The following LRRC37A variants were observed in gnomAD, a reference collection of about 807,000 sequenced individuals.
LRRC37A encodes leucine rich repeat containing 37A.
Under a neutral mutation model 35.4 loss-of-function variants are expected in LRRC37A, and 3 were observed. That is an observed-to-expected ratio of 0.08 (90% CI 0.04 to 0.22). LRRC37A has a LOEUF of 0.22. LRRC37A is among the 10% of genes least tolerant of loss of function. The pLI is 1.00. For synonymous variants in LRRC37A, 23 were observed against 215.0 expected, an observed-to-expected ratio of 0.11 and a Z score of 7.81; for missense variants, 67 against 565.3, an observed-to-expected ratio of 0.12 and a Z score of 8.94.
At chr17:46,288,305 C>CTTT (rs78255121), upstream of LRRC37A, among the ~76,000 whole-genome samples, 80 of 112,226 alleles carry the variant, frequency 7.1e-4, 1 homozygote, top group Admixed American at 1.0e-3. Flanking sequence ...CCAGGCCCGG[C>CTTT]TTTTTTTTTT....
the LRRC37A span, chr17:46,267,422 T>G: frequency 1.2e-6 from 2 of 1,612,806 alleles, no homozygotes; most frequent in East Asian, 2.2e-5. Context: ...ATGAACCGCC[T>G]GTACCTCACT....
the LRRC37A span, among the ~76,000 whole-genome samples, chr17:46,268,326 T>C: frequency 6.6e-6 from 1 of 152,226 alleles, no homozygotes. Context: ...CCTGGTTGGG[T>C]TGGTTATCTT....
chr17:46,248,136 G>C, the LRRC37A span, among the ~76,000 whole-genome samples: 9 of 152,020 alleles, frequency 5.9e-5, no homozygotes, highest in South Asian at 1.9e-3. Context: ...ACATTCTCAT[G>C]ATGACCGTTG....
intron 10 of LRRC37A, 122 bp downstream of exon 10, chr17:46,332,778 T>A: frequency 2.5e-6 from 1 of 403,138 alleles, no homozygotes; most frequent in Non-Finnish European, 4.9e-6. Context: ...ACTTCTTCAG[T>A]CATTTAAGGC....
the LRRC37A span, among the ~76,000 whole-genome samples, chr17:46,267,704 C>G: frequency 6.6e-6 from 1 of 152,010 alleles, no homozygotes; most frequent in Non-Finnish European, 1.5e-5. Flanking sequence ...CACCGTCAGC[C>G]CCACCCCCAC....
the LRRC37A span, chr17:46,267,397 G>A: frequency 8.1e-6 from 13 of 1,607,398 alleles, no homozygotes; most frequent in South Asian, 1.1e-5. Flanking sequence ...GGTGGATCGG[G>A]ACGGGCTGTA....
chr17:46,248,900 C>T, the LRRC37A span, among the ~76,000 whole-genome samples: 2 of 151,882 alleles, frequency 1.3e-5, no homozygotes, highest in African/African-American at 2.4e-5. Context: ...TCCATATCTG[C>T]AGGTTCCTCA....
At chr17:46,294,012 G>C (rs2050146179), upstream of LRRC37A, 1 of 101,662 alleles carries the variant, frequency 9.8e-6, no homozygotes, top group Non-Finnish European at 2.3e-5. Flanking sequence ...TTGGCCTCCT[G>C]AGTAGCTGGG....
the LRRC37A span, among the ~76,000 whole-genome samples, chr17:46,256,466 T>C: frequency 6.6e-6 from 1 of 152,012 alleles, no homozygotes; most frequent in Non-Finnish European, 1.5e-5. Context: ...CAAGTGAAGA[T>C]ATGGCAAGAA....
intron 9 of LRRC37A, among the ~76,000 whole-genome samples, chr17:46,332,271 T>C (rs545803844): frequency 3.6e-5 from 2 of 54,828 alleles, no homozygotes; most frequent in African/African-American, 2.1e-4. Context: ...TTGGCCAACA[T>C]AGTGAAAGCC....
the LRRC37A span, among the ~76,000 whole-genome samples, chr17:46,266,814 C>T: frequency 4.6e-5 from 7 of 151,728 alleles, no homozygotes; most frequent in Admixed American, 3.9e-4. Flanking sequence ...GCACACGCTC[C>T]CACAGGCCCG....
the LRRC37A span, among the ~76,000 whole-genome samples, chr17:46,263,202 G>A: frequency 2.0e-5 from 3 of 152,036 alleles, no homozygotes; most frequent in African/African-American, 7.3e-5. Context: ...CTAAGCAACA[G>A]TGAGACCCTG....
chr17:46,268,320 G>A, the LRRC37A span, among the ~76,000 whole-genome samples: 35 of 152,218 alleles, frequency 2.3e-4, no homozygotes, highest in African/African-American at 8.4e-4. Flanking sequence ...CACTGGCCTG[G>A]TTGGGTTGGT....
the LRRC37A span, among the ~76,000 whole-genome samples, chr17:46,248,045 C>T: frequency 1.2e-4 from 18 of 151,890 alleles, no homozygotes; most frequent in African/African-American, 3.4e-4. Flanking sequence ...GAATTTTTTA[C>T]TGGGGTTCAT....
chr17:46,279,186 T>C, the LRRC37A span, among the ~76,000 whole-genome samples: 1 of 111,376 alleles, frequency 9.0e-6, no homozygotes, highest in Admixed American at 9.7e-5. Context: ...TTTTTTTTCT[T>C]TTTTTTTTTT....
At chr17:46,311,150 A>T (rs2143724348) in intron 5 of LRRC37A, 1 of 358,364 alleles carries the variant, frequency 2.8e-6, no homozygotes, top group East Asian at 3.3e-5. Flanking sequence ...AAAAAAAAAA[A>T]AAAAAAAGGA....
At chr17:46,311,994 C>T (rs2050821094) in intron 5 of LRRC37A, among the ~76,000 whole-genome samples, 1 of 72,148 alleles carries the variant, frequency 1.4e-5, no homozygotes, top group South Asian at 6.3e-4. Context: ...GAGGCCAAGA[C>T]AGGCAGATCG....
chr17:46,285,696 G>C, the LRRC37A span, among the ~76,000 whole-genome samples: 5 of 152,220 alleles, frequency 3.3e-5, no homozygotes, highest in Non-Finnish European at 5.9e-5. Context: ...GGTGGTGTGG[G>C]GATATGGTAA....
At chr17:46,252,282 G>A in the LRRC37A span, among the ~76,000 whole-genome samples, 1 of 151,460 alleles carries the variant, frequency 6.6e-6, no homozygotes, top group Admixed American at 6.6e-5. Context: ...TCAGTTCACT[G>A]CAACCTCCAC....
Sources: gnomAD v4.1 joint callset for allele counts (sites outside exome capture counted in the v4.1 genomes callset) on GRCh38, gnomAD v4.1.1 for gene constraint, MANE v1.5 for transcripts, NCBI Gene and HGNC (gene_info 2026-07-23, HGNC 2026-07-21) for gene names.